Variants in SYNDIG1 observed in about 807,000 individuals in gnomAD.
The protein encoded by SYNDIG1 is synapse differentiation-inducing gene protein 1.
A neutral mutation model predicts 19.4 loss-of-function variants in SYNDIG1; 9 were observed. That is an observed-to-expected ratio of 0.46 (90% CI 0.28 to 0.81). SYNDIG1 has a LOEUF of 0.81. Ranked by LOEUF, SYNDIG1 falls within the 30% of genes least tolerant of loss-of-function variation. The pLI is 0.12. For missense variants in SYNDIG1, 311 were observed against 343.3 expected (o/e 0.91, Z 0.74); for synonymous variants, 141 against 145.9 (o/e 0.97, Z 0.24).
At chr20:24,661,518 G>GGAA (rs1568723330) in intron 3 of SYNDIG1, among the ~76,000 whole-genome samples, 32 of 100,848 alleles carry the variant, frequency 3.2e-4, no homozygotes, top group East Asian at 6.5e-4. Flanking sequence ...GAGGAAGGAG[G>GGAA]GAGGGAGGAA....
Position 24,665,537 on chromosome 20 carries a change from C to T in SYNDIG1, c.*33C>T, listed in dbSNP as rs1204425914. Reference sequence around the variant, plus strand: ...GCGAATGGAGGGGGAGCACCCGGGGCCAGGTCTGTGTGGACGTGGAGGAAG... The same window carrying T: ...GCGAATGGAGGGGGAGCACCCGGGGTCAGGTCTGTGTGGACGTGGAGGAAG... On this transcript the variant is annotated 3_prime_UTR_variant, in exon 4 of 4. Transcript: ENST00000376862. 1 of 1,613,386 alleles carries T rather than the reference C, an allele frequency of 6.2e-7. No individual in the cohort carries two copies. Among genetic ancestry groups the T allele is most frequent in the Non-Finnish European group, 8.5e-7 (1 of 1,179,810 alleles).
intron 3 of SYNDIG1, among the ~76,000 whole-genome samples, chr20:24,611,892 G>A (rs1354990730): frequency 9.2e-5 from 14 of 152,182 alleles, no homozygotes; most frequent in Admixed American, 9.2e-4. Flanking sequence ...CTGTAATTCA[G>A]GTGTTCTAAA....
At chr20:24,632,444 T>C (rs1029404997) in intron 3 of SYNDIG1, among the ~76,000 whole-genome samples, 2 of 152,134 alleles carry the variant, frequency 1.3e-5, no homozygotes, top group Non-Finnish European at 2.9e-5. Context: ...TTCACCACGT[T>C]GGCCAGGCTG....
intron 3 of SYNDIG1, among the ~76,000 whole-genome samples, chr20:24,637,654 A>G (rs1396130760): frequency 6.6e-6 from 1 of 152,234 alleles, no homozygotes; most frequent in African/African-American, 2.4e-5. Flanking sequence ...GGAAGGGGGA[A>G]GGTGATGCCA....
intron 2 of SYNDIG1, among the ~76,000 whole-genome samples, chr20:24,559,162 A>T (rs1265200881): frequency 6.6e-6 from 1 of 152,178 alleles, no homozygotes; most frequent in Non-Finnish European, 1.5e-5. Context: ...CTTCATCCCT[A>T]AAAAAGAATG....
chr20:24,616,537 C>A (rs768264189), intron 3 of SYNDIG1, among the ~76,000 whole-genome samples: 1 of 152,264 alleles, frequency 6.6e-6, no homozygotes, highest in Non-Finnish European at 1.5e-5. Context: ...CACTCTCAGC[C>A]ACCTCAGGGC....
At chr20:24,578,089 G>C (rs771520572) in intron 2 of SYNDIG1, among the ~76,000 whole-genome samples, 4 of 152,218 alleles carry the variant, frequency 2.6e-5, no homozygotes, top group Non-Finnish European at 4.4e-5. Context: ...GCACTGTTCT[G>C]GGCACTTAGG....
chr20:24,537,322 G>A (rs2057381793), intron 1 of SYNDIG1, among the ~76,000 whole-genome samples: 1 of 152,148 alleles, frequency 6.6e-6, no homozygotes, highest in Admixed American at 6.5e-5. Flanking sequence ...AACCAACTTT[G>A]GTGGTCAGCC....
intron 3 of SYNDIG1, among the ~76,000 whole-genome samples, chr20:24,652,659 G>T (rs947025051): frequency 2.0e-5 from 3 of 152,242 alleles, no homozygotes; most frequent in African/African-American, 7.2e-5. Flanking sequence ...TATTCCCTTG[G>T]CACTCATGGC....
intron 1 of SYNDIG1, among the ~76,000 whole-genome samples, chr20:24,513,614 A>G (rs1183386480): frequency 6.6e-6 from 1 of 152,244 alleles, no homozygotes; most frequent in East Asian, 1.9e-4. Context: ...TCCAAGAAAT[A>G]TGGGACTATG....
At chr20:24,500,133 C>T (rs1054816083) in intron 1 of SYNDIG1, among the ~76,000 whole-genome samples, 1 of 151,516 alleles carries the variant, frequency 6.6e-6, no homozygotes, top group African/African-American at 2.4e-5. Flanking sequence ...GCGTCTGTGT[C>T]GACAAAAGCA....
At chr20:24,505,569 T>A (rs1263465603) in intron 1 of SYNDIG1, among the ~76,000 whole-genome samples, 1 of 152,232 alleles carries the variant, frequency 6.6e-6, no homozygotes, top group East Asian at 1.9e-4. Context: ...AAAATTTAAA[T>A]TGCAGAGCAG....
rs375836426 is a variant in SYNDIG1 at position 24,490,529 on chromosome 20, G to A, written c.-79+20776G>A. On this transcript the variant is annotated intron_variant, in intron 1 of 3. Transcript: ENST00000376862. ...TGTGCCCGGGCTTGGACCCTGGCTC[G>A]CCCCTAGCCCTTGGGAGATCATTCA... 2.3e-4 allele frequency among the ~76,000 whole-genome samples: 35 copies of A among 152,262 alleles called. No homozygotes were observed. In the South Asian group the frequency reaches 7.1e-3, roughly 31 times the overall value.
At chr20:24,614,083 C>G (rs2040179198) in intron 3 of SYNDIG1, among the ~76,000 whole-genome samples, 1 of 152,246 alleles carries the variant, frequency 6.6e-6, no homozygotes, top group Admixed American at 6.5e-5. Context: ...CAGCCTTGCC[C>G]TATGGGGCTC....
intron 1 of SYNDIG1, among the ~76,000 whole-genome samples, chr20:24,512,009 T>C (rs1367168421): frequency 6.6e-6 from 1 of 150,834 alleles, no homozygotes; most frequent in Non-Finnish European, 1.5e-5. Flanking sequence ...TTCCACAAAA[T>C]GGACCCTAAC....
intron 3 of SYNDIG1, among the ~76,000 whole-genome samples, chr20:24,623,321 G>T (rs2059068312): frequency 1.3e-5 from 2 of 152,140 alleles, no homozygotes; most frequent in South Asian, 2.1e-4. Context: ...CAAAAGTCAA[G>T]GATAAAATAG....
At position 24,540,373 on chromosome 20, in the gene SYNDIG1, C is replaced by A. The variant is rs557198124; in HGVS notation, c.-78-2647C>A. Among the ~76,000 whole-genome samples the A allele has an allele frequency of 2.6e-5, 4 of 152,100 alleles. No individual in the cohort carries two copies. The East Asian group carries it at 5.8e-4, about 22-fold the overall frequency. ...CTTTCCAATTAAGTGCCTTTTATTT[C>A]TTTTTCTTGCCTAATTTCTCTGGCT... On this transcript the variant is annotated intron_variant, in intron 1 of 3. Coordinates refer to ENST00000376862, the MANE Select transcript of SYNDIG1 (RefSeq NM_024893.3).
chr20:24,551,022 A>G (rs191822678), intron 2 of SYNDIG1, among the ~76,000 whole-genome samples: 116 of 152,330 alleles, frequency 7.6e-4, no homozygotes, highest in Non-Finnish European at 9.4e-4. Context: ...TATTGGCTGC[A>G]TAGAATAAGT....
chr20:24,474,061 C>A (rs2055548665), intron 1 of SYNDIG1, among the ~76,000 whole-genome samples: 1 of 152,148 alleles, frequency 6.6e-6, no homozygotes, highest in South Asian at 2.1e-4. Flanking sequence ...AGGGTGTGTA[C>A]ATAGCCATGT....
Sources: allele counts gnomAD v4.1 joint callset (sites outside exome capture counted in the v4.1 genomes callset), GRCh38; gene constraint gnomAD v4.1.1; transcripts MANE v1.5; gene names NCBI Gene and HGNC (gene_info 2026-07-23, HGNC 2026-07-21).